NRG1: variants seen among roughly 807,000 people sequenced by gnomAD.
The protein encoded by NRG1 is pro-neuregulin-1, membrane-bound isoform.
In NRG1, 18 loss-of-function variants were observed where a neutral mutation model predicts 63.8. That is an observed-to-expected ratio of 0.28 (90% CI 0.19 to 0.42). NRG1 has a LOEUF of 0.42. Among genes scored for constraint, NRG1 ranks in the 10% least tolerant of loss-of-function variants. NRG1 has a pLI of 1.00. For missense variants in NRG1, 762 were observed against 814.7 expected, an observed-to-expected ratio of 0.94 and a Z score of 0.79; for synonymous variants, 302 against 301.3, an observed-to-expected ratio of 1.00 and a Z score of -0.02.
intron 1 of NRG1, among the ~76,000 whole-genome samples, chr8:32,281,477 T>C (rs575189428): frequency 3.6e-4 from 55 of 152,116 alleles, no homozygotes; most frequent in African/African-American, 1.3e-3. Flanking sequence ...GGCACCCGGC[T>C]GGTAGTTTTT....
chr8:32,549,056 C>T (rs899782085), intron 1 of NRG1, among the ~76,000 whole-genome samples: 3 of 152,226 alleles, frequency 2.0e-5, no homozygotes, highest in Admixed American at 6.5e-5. Context: ...CAAGGGACAG[C>T]AGTCCCGGCC....
intron 1 of NRG1, among the ~76,000 whole-genome samples, chr8:32,074,563 A>G (rs944363719): frequency 3.9e-5 from 6 of 152,122 alleles, no homozygotes; most frequent in Non-Finnish European, 8.8e-5. Context: ...TTGTTCCTCA[A>G]GATTCTTAGG....
At chr8:32,230,861 T>A (rs1027793068) in intron 1 of NRG1, among the ~76,000 whole-genome samples, 4 of 152,174 alleles carry the variant, frequency 2.6e-5, no homozygotes, top group African/African-American at 7.2e-5. Flanking sequence ...ATTTATCATG[T>A]CTTATATTAG....
intron 1 of NRG1, among the ~76,000 whole-genome samples, chr8:32,289,432 T>C (rs1301038854): frequency 6.7e-6 from 1 of 149,946 alleles, no homozygotes; most frequent in African/African-American, 2.5e-5. Context: ...AGTGTTAACG[T>C]ATTAAAAAAA....
chr8:32,097,590 A>C (rs535530554), intron 1 of NRG1, among the ~76,000 whole-genome samples: 1 of 152,300 alleles, frequency 6.6e-6, no homozygotes, highest in East Asian at 1.9e-4. Flanking sequence ...TTCCCAAATA[A>C]TTCCAGGAAA....
At chr8:32,555,176 C>T (rs958341525) in intron 1 of NRG1, among the ~76,000 whole-genome samples, 1 of 152,174 alleles carries the variant, frequency 6.6e-6, no homozygotes, top group Non-Finnish European at 1.5e-5. Flanking sequence ...GAGAATCAAG[C>T]ATCTTTAAAT....
intron 1 of NRG1, among the ~76,000 whole-genome samples, chr8:32,009,611 A>G (rs1814405240): frequency 6.6e-6 from 1 of 152,042 alleles, no homozygotes; most frequent in African/African-American, 2.4e-5. Context: ...TGGTCTAGGT[A>G]TGGCTCATTG....
intron 5 of NRG1, among the ~76,000 whole-genome samples, chr8:32,630,155 C>G (rs1196060793): frequency 6.6e-6 from 1 of 152,102 alleles, no homozygotes; most frequent in Admixed American, 6.6e-5. Context: ...TTTTTGAGCT[C>G]AGAAAGCTCT....
At chr8:32,508,204 G>C (rs1447713881) in intron 1 of NRG1, among the ~76,000 whole-genome samples, 1 of 152,148 alleles carries the variant, frequency 6.6e-6, no homozygotes, top group Non-Finnish European at 1.5e-5. Flanking sequence ...CCAGGAGTTT[G>C]AGGTCAACCT....
At chr8:31,734,492 T>A (rs1210128923) in intron 1 of NRG1, among the ~76,000 whole-genome samples, 1 of 152,226 alleles carries the variant, frequency 6.6e-6, no homozygotes, top group Non-Finnish European at 1.5e-5. Context: ...TCATGTTGTC[T>A]TCTAAAGGAT....
At chr8:32,616,910 C>T in intron 5 of NRG1, 25 bp downstream of exon 5, 1 of 1,537,228 alleles carries the variant, frequency 6.5e-7, no homozygotes, top group East Asian at 2.3e-5. Context: ...ATATTCTATT[C>T]ACTGGTTTTT....
At chr8:32,051,778 G>A (rs1822017400) in intron 1 of NRG1, among the ~76,000 whole-genome samples, 1 of 152,056 alleles carries the variant, frequency 6.6e-6, no homozygotes, top group East Asian at 1.9e-4. Context: ...TTTGCTGGAG[G>A]GCAGGGGGAT....
intron 1 of NRG1, among the ~76,000 whole-genome samples, chr8:31,983,591 A>G (rs1174744561): frequency 2.0e-5 from 3 of 151,964 alleles, no homozygotes; most frequent in African/African-American, 7.2e-5. Context: ...TATGTTTCCC[A>G]GGCTAGTCTC....
chr8:31,681,386 G>C (rs1477816270), intron 1 of NRG1, among the ~76,000 whole-genome samples: 3 of 143,030 alleles, frequency 2.1e-5, no homozygotes, highest in African/African-American at 7.5e-5. Context: ...TCTCACAAAA[G>C]AGAAAACACA....
intron 1 of NRG1, among the ~76,000 whole-genome samples, chr8:31,996,483 A>G (rs1488065852): frequency 3.3e-5 from 5 of 151,928 alleles, no homozygotes; most frequent in South Asian, 2.1e-4. Context: ...TGTAATCCCA[A>G]CACTTTGGGA....
At chr8:32,069,723 A>G (rs1174691529) in intron 1 of NRG1, among the ~76,000 whole-genome samples, 2 of 152,124 alleles carry the variant, frequency 1.3e-5, no homozygotes. Context: ...GCAGAAACCT[A>G]TGATAGAAAG....
In NRG1 at chr8:32,377,626, T is replaced by C. The variant is rs182071100; in HGVS notation, c.38-218202T>C. On this transcript the variant is annotated intron_variant, in intron 1 of 10. Transcript: ENST00000519301. ...GGATTTGTAGTTACCTGTTGTGATA[T>C]GGGAAAACCACACAGCAGCTTGGCT... Among the ~76,000 whole-genome samples, 4 of 152,320 alleles carry C rather than the reference T, an allele frequency of 2.6e-5. No individual in the cohort carries two copies. The East Asian group carries it at 5.8e-4, about 22-fold the overall frequency.
At chr8:32,481,643 T>A (rs1825297376) in intron 1 of NRG1, among the ~76,000 whole-genome samples, 1 of 152,254 alleles carries the variant, frequency 6.6e-6, no homozygotes, top group South Asian at 2.1e-4. Flanking sequence ...GGGCAAGTCA[T>A]TTAACATCTC....
At chr8:31,921,198 C>T (rs774179904) in intron 1 of NRG1, among the ~76,000 whole-genome samples, 2 of 151,994 alleles carry the variant, frequency 1.3e-5, no homozygotes, top group Non-Finnish European at 2.9e-5. Context: ...GGAGACATAC[C>T]TAATTTAAGT....
Sources: gnomAD v4.1 joint callset for allele counts (sites outside exome capture counted in the v4.1 genomes callset) on GRCh38, gnomAD v4.1.1 for gene constraint, MANE v1.5 for transcripts, NCBI Gene and HGNC (gene_info 2026-07-23, HGNC 2026-07-21) for gene names.